Variants in SVIL observed in about 807,000 individuals in gnomAD.
SVIL encodes archvillin.
In SVIL, 101 loss-of-function variants were observed where a neutral mutation model predicts 240.4. That is an observed-to-expected ratio of 0.42 (90% CI 0.36 to 0.50). The LOEUF is 0.50. Among genes scored for constraint, SVIL ranks in the 20% least tolerant of loss-of-function variants. SVIL has a pLI of 0.01. For synonymous variants in SVIL, 999 were observed against 1,100.0 expected (o/e 0.91, Z 1.82); for missense variants, 2,512 against 2,818.7 (o/e 0.89, Z 2.46).
intron 1 of SVIL, among the ~76,000 whole-genome samples, chr10:29,693,119 C>T (rs1036444821): frequency 6.6e-6 from 1 of 152,156 alleles, no homozygotes; most frequent in Non-Finnish European, 1.5e-5. Context: ...TCACCTAACC[C>T]TCATCATAAT....
rs1189953350 is a variant in SVIL at position 29,623,694 on chromosome 10, C to CA, written c.-201+10725dup. 6.6e-5 allele frequency among the ~76,000 whole-genome samples: 10 copies of CA among 152,010 alleles called. No individual in the cohort carries two copies. The South Asian group carries it at 1.7e-3, about 25-fold the overall frequency. ...GGAAACCCCATCTCTACTAAAAATA[C>CA]AAAAAAAATTAGCCAGGCATGGTGG... On this transcript the variant is annotated intron_variant, in intron 1 of 37. Transcript: ENST00000355867.
chr10:29,608,748 G>C (rs1182224340), intron 1 of SVIL, among the ~76,000 whole-genome samples: 2 of 152,230 alleles, frequency 1.3e-5, no homozygotes, highest in African/African-American at 2.4e-5. Context: ...GCCCCTCAGT[G>C]CAGATAGCCT....
rs573925802 is a variant in SVIL at position 29,521,148 on chromosome 10, G to C, written c.3389+1262C>G. Among the ~76,000 whole-genome samples the C allele has an allele frequency of 2.6e-5, 4 of 151,314 alleles. No homozygotes were observed. The East Asian group carries it at 5.8e-4, about 22-fold the overall frequency. On this transcript the variant is annotated intron_variant, in intron 16 of 37. Coordinates refer to ENST00000355867, the MANE Select transcript of SVIL (RefSeq NM_021738.3). ...TGAGGCAGGAGAATCGCTTGAACCC[G>C]GGAGGCAGAGGTTGCAGTAAGCCAA...
intron 22 of SVIL, among the ~76,000 whole-genome samples, chr10:29,490,111 G>A (rs984329238): frequency 1.3e-5 from 2 of 152,006 alleles, no homozygotes; most frequent in African/African-American, 2.4e-5. Flanking sequence ...TGAGAGTCTG[G>A]AGCCCATCTC....
intron 3 of SVIL, among the ~76,000 whole-genome samples, chr10:29,649,334 G>T (rs975126092): frequency 6.6e-6 from 1 of 152,120 alleles, no homozygotes. Flanking sequence ...AATGTTTTAT[G>T]AAAGTAATAC....
At chr10:29,522,676 G>A (rs1950639656) in intron 15 of SVIL, 41 bp from the exon 16 acceptor site, 5 of 1,592,260 alleles carry the variant, frequency 3.1e-6, no homozygotes, top group Admixed American at 3.5e-5. Flanking sequence ...AACTCCTCAG[G>A]CAAACATTCT....
chr10:29,732,676 T>C (rs975069835), intron 1 of SVIL, among the ~76,000 whole-genome samples: 1 of 152,222 alleles, frequency 6.6e-6, no homozygotes, highest in Non-Finnish European at 1.5e-5. Context: ...AACTTGGTGG[T>C]TCACCTTTAA....
At chr10:29,471,845 TGAGA>T (rs1945620711) in intron 30 of SVIL, among the ~76,000 whole-genome samples, 1 of 152,260 alleles carries the variant, frequency 6.6e-6, no homozygotes, top group South Asian at 2.1e-4. Context: ...CAGGGAGCAC[TGAGA>T]GAAAGCATTT....
chr10:29,502,688 G>T lies in SVIL; in HGVS notation c.3517-3425C>A, dbSNP rs550034566. On this transcript the variant is annotated intron_variant, in intron 17 of 37. Coordinates refer to ENST00000355867, the MANE Select transcript of SVIL (RefSeq NM_021738.3). Reference sequence around the variant, plus strand: ...GTATGCACATGTGTGTGTGTGTGTGGGTGGGTGGGTGTGTGTGTGTAGAAG... The same window carrying T: ...GTATGCACATGTGTGTGTGTGTGTGTGTGGGTGGGTGTGTGTGTGTAGAAG... 4.0e-4 allele frequency among the ~76,000 whole-genome samples: 60 copies of T among 151,660 alleles called. 1 individual carries two copies. Among genetic ancestry groups the T allele is most frequent in the African/African-American group, 1.1e-3 (47 of 41,376 alleles).
At chr10:29,572,794 G>GA (rs1380363425) in intron 1 of SVIL, among the ~76,000 whole-genome samples, 1 of 141,580 alleles carries the variant, frequency 7.1e-6, no homozygotes, top group Admixed American at 7.1e-5. Flanking sequence ...AAAAGAAAAA[G>GA]AAAAAAAGAA....
intron 1 of SVIL, among the ~76,000 whole-genome samples, chr10:29,719,956 T>C (rs1963874525): frequency 6.6e-6 from 1 of 152,050 alleles, no homozygotes; most frequent in African/African-American, 2.4e-5. Flanking sequence ...AACCCAAAGA[T>C]CCAAGGAGCT....
rs963436404 is a variant in SVIL, at chr10:29,634,298, G to A, written c.-201+122C>T. Reference sequence around the variant, plus strand: ...CAAACGCTGGCAGGAATTTTCCAATGACTGAAGTCAACAAATCCTCAGGAA... The same window carrying A: ...CAAACGCTGGCAGGAATTTTCCAATAACTGAAGTCAACAAATCCTCAGGAA... On this transcript the variant is annotated intron_variant, in intron 1 of 37. Transcript: ENST00000355867. 3.3e-5 allele frequency: 5 copies of A among 151,494 alleles called. No individual in the cohort carries two copies. The East Asian group carries it at 7.7e-4, about 23-fold the overall frequency. 9.4% of individuals were successfully genotyped at this position (151,494 alleles called of 1,614,324 possible).
intron 3 of SVIL, among the ~76,000 whole-genome samples, chr10:29,556,486 G>T (rs74129718): frequency 0.054 from 8,225 of 152,262 alleles, 276 homozygotes; most frequent in Admixed American, 0.12. Context: ...TGCCCTTTGT[G>T]TTCAGGGATA....
At chr10:29,590,217 C>T (rs1956337914) in intron 1 of SVIL, among the ~76,000 whole-genome samples, 1 of 150,286 alleles carries the variant, frequency 6.7e-6, no homozygotes, top group Non-Finnish European at 1.5e-5. Flanking sequence ...AAATTCCTCC[C>T]TTCCAGCCCC....
At position 29,465,580 on chromosome 10, in the gene SVIL, C is replaced by T. The variant is rs187952659; in HGVS notation, c.6133+15G>A. 8,869 of 1,590,820 alleles carry T rather than the reference C, an allele frequency of 5.6e-3. 342 individuals carry two copies. In the South Asian group the frequency reaches 0.076, roughly 14 times the overall value. ...CCTTCTACTGCTCAGCATAGCTGCC[C>T]CCTGCAGGCCTTACCTGGCTGGGGC... On this transcript the variant is annotated intron_variant, in intron 34 of 37. Coordinates refer to ENST00000355867, the MANE Select transcript of SVIL (RefSeq NM_021738.3).
chr10:29,516,864 C>G (rs1670591029), intron 16 of SVIL, among the ~76,000 whole-genome samples: 1 of 152,186 alleles, frequency 6.6e-6, no homozygotes, highest in African/African-American at 2.4e-5. Context: ...ACAAGGACAT[C>G]AGGCTCAGAG....
At chr10:29,625,575 T>C (rs17566634) in intron 1 of SVIL, among the ~76,000 whole-genome samples, 7 of 152,138 alleles carry the variant, frequency 4.6e-5, no homozygotes, top group African/African-American at 1.7e-4. Flanking sequence ...GCCATTCTCC[T>C]GCCTCAGCCT....
At chr10:29,564,175 G>A (rs566402285) in intron 2 of SVIL, among the ~76,000 whole-genome samples, 78 of 152,204 alleles carry the variant, frequency 5.1e-4, no homozygotes, top group Middle Eastern at 3.4e-3. Flanking sequence ...TGAACTCAAA[G>A]TTGGGAGAGA....
chr10:29,502,037 T>G (rs1394002298), intron 17 of SVIL, among the ~76,000 whole-genome samples: 2 of 152,224 alleles, frequency 1.3e-5, no homozygotes, highest in Non-Finnish European at 2.9e-5. Flanking sequence ...GAGCCCTTTA[T>G]GCACACAATG....
Sources: gnomAD v4.1 joint callset for allele counts (sites outside exome capture counted in the v4.1 genomes callset) on GRCh38, gnomAD v4.1.1 for gene constraint, MANE v1.5 for transcripts, NCBI Gene and HGNC (gene_info 2026-07-23, HGNC 2026-07-21) for gene names.